The following TRAF3 variants were observed in gnomAD, a reference collection of about 807,000 sequenced individuals.
TRAF3 encodes the protein TNF receptor-associated factor 3.
TRAF3 carries 13 observed loss-of-function variants against 62.3 expected under a neutral mutation model. The observed-to-expected ratio is 0.21, with a 90% CI of 0.14 to 0.33. The LOEUF (loss-of-function observed/expected upper bound fraction) is 0.33, where lower values mean the gene tolerates loss of function less well. Among genes scored for constraint, TRAF3 ranks in the 10% least tolerant of loss-of-function variants. The pLI is 1.00. For synonymous variants in TRAF3, 269 were observed against 283.4 expected, an observed-to-expected ratio of 0.95 and a Z score of 0.51; for missense variants, 440 against 741.8, an observed-to-expected ratio of 0.59 and a Z score of 4.73.
At chr14:102,899,517 C>T (rs777202094) in intron 10 of TRAF3, among the ~76,000 whole-genome samples, 1 of 152,212 alleles carries the variant, frequency 6.6e-6, no homozygotes, top group Non-Finnish European at 1.5e-5. Flanking sequence ...CCACTCCCTG[C>T]GCTAAAGTGG....
chr14:102,870,210 G>A lies in TRAF3; in HGVS notation c.9G>A (p.Ser3=), dbSNP rs377427517. The A allele has an allele frequency of 2.0e-5, 32 of 1,613,958 alleles. No homozygotes were observed. Among genetic ancestry groups the A allele is most frequent in the Admixed American group, 8.3e-5 (5 of 60,004 alleles). The change falls in exon 3 of 12, where the codon TCG becomes TCA. Residue 3 remains serine, a synonymous_variant. Transcript: ENST00000392745. ...AACTCCTCTTTCCTAAAATGGAGTC[G>A]AGTAAAAAGATGGACTCTCCTGGCG... ME[S]SKKMDSPGAL... is the part of the protein sequence containing the mutation.
intron 9 of TRAF3, among the ~76,000 whole-genome samples, chr14:102,893,839 G>T (rs532337558): frequency 6.6e-6 from 1 of 152,326 alleles, no homozygotes; most frequent in African/African-American, 2.4e-5. Flanking sequence ...GGCTCTGCAC[G>T]TTCTCATTGT....
intron 1 of TRAF3, among the ~76,000 whole-genome samples, chr14:102,791,279 A>G (rs1351954669): frequency 6.6e-6 from 1 of 152,076 alleles, no homozygotes; most frequent in Non-Finnish European, 1.5e-5. Flanking sequence ...TCGGCCTCCC[A>G]AAGTGCTGGG....
intron 1 of TRAF3, among the ~76,000 whole-genome samples, chr14:102,796,797 A>G (rs570145889): frequency 6.6e-6 from 1 of 152,186 alleles, no homozygotes; most frequent in Admixed American, 6.5e-5. Flanking sequence ...CGAAGGTAAA[A>G]TGTTATGTAT....
chr14:102,820,049 C>T (rs1235899211), intron 1 of TRAF3, among the ~76,000 whole-genome samples: 1 of 152,126 alleles, frequency 6.6e-6, no homozygotes, highest in Non-Finnish European at 1.5e-5. Flanking sequence ...TGGGTGGTCA[C>T]CACATGCGGG....
At chr14:102,802,150 A>T (rs1595299518) in intron 1 of TRAF3, among the ~76,000 whole-genome samples, 1 of 108,202 alleles carries the variant, frequency 9.2e-6, no homozygotes, top group African/African-American at 3.5e-5. Context: ...TTGCACCTGG[A>T]CTCATTTTTT....
intron 2 of TRAF3, among the ~76,000 whole-genome samples, chr14:102,845,501 C>T (rs1369200511): frequency 6.9e-6 from 1 of 144,296 alleles, no homozygotes; most frequent in Non-Finnish European, 1.5e-5. Flanking sequence ...CGTGCCCAGC[C>T]TAAAAATAAA....
At chr14:102,785,880 G>T (rs1897474789) in intron 1 of TRAF3, among the ~76,000 whole-genome samples, 1 of 152,162 alleles carries the variant, frequency 6.6e-6, no homozygotes, top group Non-Finnish European at 1.5e-5. Context: ...GATGACAGAG[G>T]GTAGATTTCT....
At position 102,830,367 on chromosome 14, in the gene TRAF3, C is replaced by G. The variant is rs1460171109; in HGVS notation, c.-123C>G. 1 of 152,370 alleles carries G rather than the reference C, an allele frequency of 6.6e-6. No individual in the cohort carries two copies. The highest frequency in any genetic ancestry group is 2.4e-5 in the African/African-American group (1 of 41,422). 9.4% of individuals were successfully genotyped at this position (152,370 alleles called of 1,614,324 possible). On this transcript the variant is annotated 5_prime_UTR_variant, in exon 2 of 12. Coordinates refer to ENST00000392745, the MANE Select transcript of TRAF3 (RefSeq NM_145725.3). The stretch of plus-strand genomic sequence containing the variant: ...AATGAGGCCCAAAGAAGTGATGCCA[C>G]TTGGTTAAGGTCCCAGAGCAGGTCA...
Position 102,908,043 on chromosome 14 carries a change from T to G in TRAF3, c.*2259T>G, listed in dbSNP as rs1279213253. On this transcript the variant is annotated 3_prime_UTR_variant, in exon 12 of 12. Transcript: ENST00000392745. The stretch of plus-strand genomic sequence containing the variant: ...TAACAACAGGGACATCCCTGCAACT[T>G]CCCCTTCACAAAATGTATAATATTA... 1 of 152,232 alleles carries G rather than the reference T, an allele frequency of 6.6e-6. No individual in the cohort carries two copies. Among genetic ancestry groups the G allele is most frequent in the Non-Finnish European group, 1.5e-5 (1 of 68,036 alleles). 9.4% of individuals were successfully genotyped at this position (152,232 alleles called of 1,614,324 possible). A position where few individuals can be genotyped will look rare whatever the true frequency, so the allele number is the denominator to read the frequency against.
chr14:102,786,773 C>T (rs1897524513), intron 1 of TRAF3, among the ~76,000 whole-genome samples: 1 of 152,060 alleles, frequency 6.6e-6, no homozygotes, highest in South Asian at 2.1e-4. Flanking sequence ...TCGCTTGAAT[C>T]CAGGAGTTCT....
Position 102,842,760 on chromosome 14 carries a change from T to G in TRAF3, c.-18+12288T>G, listed in dbSNP as rs1473143664. 2.0e-5 allele frequency among the ~76,000 whole-genome samples: 3 copies of G among 152,168 alleles called. No homozygotes were observed. In the East Asian group the frequency reaches 5.8e-4, roughly 29 times the overall value. On this transcript the variant is annotated intron_variant, in intron 2 of 11. Transcript: ENST00000392745. ...ACACATTACAGAGGAATACAGTTGC[T>G]AATAACAGCGATTCCTGGTCACATC...
At chr14:102,858,424 A>G (rs1297815307) in intron 2 of TRAF3, among the ~76,000 whole-genome samples, 2 of 152,180 alleles carry the variant, frequency 1.3e-5, no homozygotes, top group Non-Finnish European at 2.9e-5. Flanking sequence ...AAGTGCTGGG[A>G]TTACAGGCGT....
intron 1 of TRAF3, among the ~76,000 whole-genome samples, chr14:102,799,976 T>C (rs1005131135): frequency 6.6e-5 from 10 of 152,182 alleles, no homozygotes; most frequent in African/African-American, 2.4e-4. Context: ...TTGTGGTCAT[T>C]GCTGGAATCT....
At chr14:102,823,454 A>G (rs1265202545) in intron 1 of TRAF3, among the ~76,000 whole-genome samples, 2 of 152,228 alleles carry the variant, frequency 1.3e-5, no homozygotes, top group African/African-American at 4.8e-5. Context: ...CTTATATTTT[A>G]TATTAAAATT....
intron 6 of TRAF3, among the ~76,000 whole-genome samples, chr14:102,878,843 T>A (rs978037943): frequency 2.7e-5 from 4 of 150,688 alleles, no homozygotes; most frequent in African/African-American, 4.9e-5. Flanking sequence ...AGCCCAGAAC[T>A]GGGAGGGTGA....
At chr14:102,861,413 A>G (rs1289092094) in intron 2 of TRAF3, among the ~76,000 whole-genome samples, 1 of 152,194 alleles carries the variant, frequency 6.6e-6, no homozygotes, top group Non-Finnish European at 1.5e-5. Context: ...CATCAAACCC[A>G]AGTTCAGTCA....
At chr14:102,878,689 G>C (rs66666997) in intron 6 of TRAF3, among the ~76,000 whole-genome samples, 64,394 of 151,962 alleles carry the variant, frequency 0.42, 18,799 homozygotes, top group African/African-American at 0.83. Context: ...GCACTGGCTT[G>C]TCTGAGGCAG....
At chr14:102,795,543 G>T (rs898915528) in intron 1 of TRAF3, among the ~76,000 whole-genome samples, 1 of 151,126 alleles carries the variant, frequency 6.6e-6, no homozygotes, top group Non-Finnish European at 1.5e-5. Context: ...AGCTACTGTG[G>T]TGTTATATAT....
Sources: allele counts gnomAD v4.1 joint callset (sites outside exome capture counted in the v4.1 genomes callset), GRCh38; gene constraint gnomAD v4.1.1; transcripts MANE v1.5; gene names NCBI Gene and HGNC (gene_info 2026-07-23, HGNC 2026-07-21).